C12orf54: variants seen among roughly 807,000 people sequenced by gnomAD.
C12orf54 encodes chromosome 12 open reading frame 54, also known as uncharacterized protein C12orf54.
Under a neutral mutation model 26.4 loss-of-function variants are expected in C12orf54, and 24 were observed. That is an observed-to-expected ratio of 0.91 (90% CI 0.66 to 1.28). The LOEUF (loss-of-function observed/expected upper bound fraction) is 1.28. Ranked by LOEUF, C12orf54 falls within the 50% of genes most tolerant of loss-of-function variation. C12orf54 has a pLI of 0.00. For synonymous variants in C12orf54, 54 were observed against 47.0 expected, an observed-to-expected ratio of 1.15 and a Z score of -0.61; for missense variants, 154 against 150.9, an observed-to-expected ratio of 1.02 and a Z score of -0.11.
chr12:48,425,103 CA>C, the C12orf54 span, among the ~76,000 whole-genome samples: 1 of 151,962 alleles, frequency 6.6e-6, no homozygotes, highest in Non-Finnish European at 1.5e-5. Context: ...ATTTTAGGTT[CA>C]GGGGTACATG....
chr12:48,417,257 C>A, the C12orf54 span: 1 of 152,344 alleles, frequency 6.6e-6, no homozygotes, highest in East Asian at 1.9e-4. Context: ...AGGAACAGCA[C>A]AAATAGCAGA....
At chr12:48,415,521 A>G in the C12orf54 span, among the ~76,000 whole-genome samples, 1 of 152,144 alleles carries the variant, frequency 6.6e-6, no homozygotes, top group African/African-American at 2.4e-5. Context: ...CTATTCTTGA[A>G]GCACTCTCTT....
At chr12:48,421,203 G>T in the C12orf54 span, among the ~76,000 whole-genome samples, 3 of 152,188 alleles carry the variant, frequency 2.0e-5, no homozygotes, top group Admixed American at 6.5e-5. Flanking sequence ...TTTACAGGAA[G>T]CATGAGGTTG....
chr12:48,415,747 C>A, the C12orf54 span, among the ~76,000 whole-genome samples: 1 of 152,044 alleles, frequency 6.6e-6, no homozygotes, highest in Non-Finnish European at 1.5e-5. Context: ...TCCATACACC[C>A]CATATATTAG....
At chr12:48,420,902 G>T in the C12orf54 span, among the ~76,000 whole-genome samples, 1 of 152,074 alleles carries the variant, frequency 6.6e-6, no homozygotes, top group South Asian at 2.1e-4. Flanking sequence ...TTGATGGATG[G>T]ATTTAATTTT....
chr12:48,459,991 A>C, the C12orf54 span, among the ~76,000 whole-genome samples: 1 of 151,956 alleles, frequency 6.6e-6, no homozygotes, highest in Non-Finnish European at 1.5e-5. Flanking sequence ...GGCATTCACC[A>C]TAAAGATAAT....
the C12orf54 span, among the ~76,000 whole-genome samples, chr12:48,471,078 T>C: frequency 2.0e-5 from 3 of 152,146 alleles, no homozygotes; most frequent in East Asian, 3.8e-4. Context: ...TTTTATTTTT[T>C]TGTACCCATT....
the C12orf54 span, among the ~76,000 whole-genome samples, chr12:48,419,905 T>C: frequency 6.6e-6 from 1 of 152,186 alleles, no homozygotes; most frequent in Non-Finnish European, 1.5e-5. Context: ...AAAAGAAATA[T>C]ATTAGCTCGC....
rs1937650539 is a variant in C12orf54 at position 48,486,708 on chromosome 12, T to C, written c.117T>C (p.Thr39=). Reference sequence around the variant, plus strand: ...TACAGGAAAAACAGGTAACCATCACTGAAACCCTGTGGGACCAGGTGAGTA... The same window carrying C: ...TACAGGAAAAACAGGTAACCATCACCGAAACCCTGTGGGACCAGGTGAGTA... ...MRPQEKQVTI[T]ETLWDQVLTV... Residue 39 remains threonine, a synonymous_variant, in exon 4 of 9, where the codon ACT becomes ACC. Transcript: ENST00000548364. 2.5e-6 allele frequency: 4 copies of C among 1,613,468 alleles called. No individual in the cohort carries two copies. Among genetic ancestry groups the C allele is most frequent in the South Asian group, 1.1e-5 (1 of 91,066 alleles).
the C12orf54 span, among the ~76,000 whole-genome samples, chr12:48,433,268 C>T: frequency 6.6e-6 from 1 of 152,130 alleles, no homozygotes; most frequent in Non-Finnish European, 1.5e-5. Flanking sequence ...CGTTCATGGA[C>T]CAGAACTAGG....
At chr12:48,475,581 G>A in the C12orf54 span, among the ~76,000 whole-genome samples, 9 of 152,174 alleles carry the variant, frequency 5.9e-5, no homozygotes, top group East Asian at 1.9e-4. Context: ...ACCATGGCAC[G>A]AGAGCTACAT....
chr12:48,416,247 CTG>C, the C12orf54 span, among the ~76,000 whole-genome samples: 2 of 152,198 alleles, frequency 1.3e-5, no homozygotes, highest in Non-Finnish European at 2.9e-5. Flanking sequence ...TCCTATATCA[CTG>C]AGAATCAAAC....
the C12orf54 span, among the ~76,000 whole-genome samples, chr12:48,440,160 G>A: frequency 1.3e-5 from 2 of 151,916 alleles, no homozygotes; most frequent in Non-Finnish European, 2.9e-5. Context: ...GGGAGGCGGA[G>A]GTTGCAGTGA....
chr12:48,460,116 C>A, the C12orf54 span, among the ~76,000 whole-genome samples: 3 of 152,144 alleles, frequency 2.0e-5, no homozygotes, highest in African/African-American at 7.2e-5. Context: ...AATCCAAGAA[C>A]CAATGCTGAA....
At chr12:48,432,525 T>A in the C12orf54 span, among the ~76,000 whole-genome samples, 1 of 152,152 alleles carries the variant, frequency 6.6e-6, no homozygotes, top group Admixed American at 6.6e-5. Context: ...CAGAAAGATA[T>A]CTATACTGGA....
chr12:48,486,307 C>G lies in C12orf54; in HGVS notation c.96+99C>G, dbSNP rs2068293. 0.12 allele frequency: 147,042 copies of G among 1,229,406 alleles called. 19,089 individuals are homozygous for G. The highest frequency in any genetic ancestry group is 0.63 in the East Asian group (26,899 of 42,712). 76.2% of individuals were successfully genotyped at this position (1,229,406 alleles called of 1,614,324 possible). On this transcript the variant is annotated intron_variant, in intron 3 of 8. Coordinates refer to ENST00000548364, the MANE Select transcript of C12orf54 (RefSeq NM_152319.4). ...GTAGACAGGAGGCCAAAAAAAAAAG[C>G]TACCTGACAAGGGACAGGGTGCCCT...
chr12:48,467,214 TACAA>T, the C12orf54 span, among the ~76,000 whole-genome samples: 1 of 152,056 alleles, frequency 6.6e-6, no homozygotes, highest in South Asian at 2.1e-4. Flanking sequence ...AATAAGGCAT[TACAA>T]ACAAACGAAC....
At chr12:48,486,797 C>A in intron 4 of C12orf54, 71 bp downstream of exon 4, 1 of 1,433,804 alleles carries the variant, frequency 7.0e-7, no homozygotes, top group Non-Finnish European at 9.8e-7. Flanking sequence ...CAGGAAGGAG[C>A]ACATTTCTTT....
At chr12:48,441,130 T>C in the C12orf54 span, among the ~76,000 whole-genome samples, 1 of 152,208 alleles carries the variant, frequency 6.6e-6, no homozygotes, top group African/African-American at 2.4e-5. Context: ...ATAAAGAATA[T>C]AAATTGCTTA....
Sources: gnomAD v4.1 joint callset for allele counts (sites outside exome capture counted in the v4.1 genomes callset) on GRCh38, gnomAD v4.1.1 for gene constraint, MANE v1.5 for transcripts, NCBI Gene and HGNC (gene_info 2026-07-23, HGNC 2026-07-21) for gene names.